The following PLXND1 variants were observed in gnomAD, a reference collection of about 807,000 sequenced individuals.
The protein encoded by PLXND1 is plexin-D1.
Under a neutral mutation model 197.7 loss-of-function variants are expected in PLXND1, and 54 were observed. The observed-to-expected ratio is 0.27, with a 90% CI of 0.22 to 0.34. The LOEUF (loss-of-function observed/expected upper bound fraction) is 0.34, where lower values mean the gene tolerates loss of function less well. PLXND1 is among the 10% of genes least tolerant of loss of function. The pLI is 1.00. For synonymous variants in PLXND1, 1,180 were observed against 1,161.2 expected (o/e 1.02, Z -0.33); for missense variants, 2,127 against 2,699.2 (o/e 0.79, Z 4.70).
chr3:129,582,209 G>A (rs536137775), intron 8 of PLXND1, among the ~76,000 whole-genome samples: 50 of 152,388 alleles, frequency 3.3e-4, no homozygotes, highest in Admixed American at 5.9e-4. Flanking sequence ...TGCGCACTGC[G>A]AGCGAGCAGG....
At chr3:129,598,962 G>C (rs928817522) in intron 1 of PLXND1, among the ~76,000 whole-genome samples, 1 of 152,224 alleles carries the variant, frequency 6.6e-6, no homozygotes, top group East Asian at 1.9e-4. Context: ...GGCTAACACA[G>C]AGAAAGTTCT....
rs2085250319 is a variant in PLXND1 at position 129,572,593 on chromosome 3, A to C, written c.3077+16T>G. The C allele has an allele frequency of 1.3e-6, 2 of 1,497,214 alleles. No individual in the cohort carries two copies. Among genetic ancestry groups the C allele is most frequent in the South Asian group, 1.4e-5 (1 of 72,036 alleles). 92.7% of individuals were successfully genotyped at this position (1,497,214 alleles called of 1,614,324 possible). A position where few individuals can be genotyped will look rare whatever the true frequency, so the allele number is the denominator to read the frequency against. On this transcript the variant is annotated intron_variant, in intron 15 of 35. Transcript: ENST00000324093. ...TTCTCTGGGCTGGAAGGGATGGGCC[A>C]GGCCCAGAGGCTTACATCAGCTCCG...
intron 8 of PLXND1, among the ~76,000 whole-genome samples, chr3:129,582,182 G>A (rs534326395): frequency 3.3e-5 from 5 of 152,392 alleles, no homozygotes; most frequent in Admixed American, 2.0e-4. Flanking sequence ...CAGTTATGGG[G>A]CTCAGGTGGG....
chr3:129,566,394 T>TGGCC, intron 23 of PLXND1, 133 bp downstream of exon 23: 1 of 683,152 alleles, frequency 1.5e-6, no homozygotes, highest in East Asian at 2.7e-5. Context: ...GAGGGCTCAG[T>TGGCC]ACCTTACAAT....
intron 1 of PLXND1, among the ~76,000 whole-genome samples, chr3:129,590,911 T>C (rs1449736583): frequency 3.9e-5 from 6 of 152,366 alleles, no homozygotes; most frequent in East Asian, 1.9e-4. Context: ...GAAGGCAGCA[T>C]TGGAACCATC....
chr3:129,584,360 T>A (rs2085428965), intron 6 of PLXND1, 25 bp downstream of exon 6: 1 of 1,608,528 alleles, frequency 6.2e-7, no homozygotes, highest in East Asian at 2.2e-5. Context: ...CCTCTGGGGC[T>A]GTGCCAACAG....
chr3:129,560,927 A>AG (rs2085049022), intron 29 of PLXND1: 2 of 674,814 alleles, frequency 3.0e-6, no homozygotes, highest in Non-Finnish European at 5.5e-6. Context: ...AGAGATGCAG[A>AG]GACGCATGGG....
In PLXND1 at chr3:129,574,313, G is replaced by T. The variant is rs201989077; in HGVS notation, c.2685+23C>A. 5.6e-5 allele frequency: 88 copies of T among 1,568,438 alleles called. 1 individual carries two copies. In the East Asian group the frequency reaches 2.0e-3, roughly 35 times the overall value. ...CGCCGTGCCGGAGTGCGGGTGCCAC[G>T]TGCCTCCACTGGGCATGCTTACCGC... On this transcript the variant is annotated intron_variant, in intron 12 of 35. Transcript: ENST00000324093.
Position 129,589,343 on chromosome 3 carries a change from A to T in PLXND1, c.1488+8T>A. 1.5e-6 allele frequency: 1 copy of T among 660,442 alleles called. No homozygotes were observed. Among genetic ancestry groups the T allele is most frequent in the Non-Finnish European group, 2.3e-6 (1 of 430,898 alleles). The allele number at this position is 660,442 out of a possible 1,614,324, so 40.9% of individuals were successfully genotyped here. A position where few individuals can be genotyped will look rare whatever the true frequency, so the allele number is the denominator to read the frequency against. On this transcript the variant is annotated splice_region_variant and intron_variant, in intron 2 of 35. Transcript: ENST00000324093. Reference sequence around the variant, plus strand: ...CCACCCCCTCCCCACATCCCCAACCATACCTACCTTGAGAAGCCTCCCGTT... The same window carrying T: ...CCACCCCCTCCCCACATCCCCAACCTTACCTACCTTGAGAAGCCTCCCGTT...
chr3:129,582,787 T>C (rs1295878438), intron 8 of PLXND1, among the ~76,000 whole-genome samples: 1 of 152,204 alleles, frequency 6.6e-6, no homozygotes, highest in Non-Finnish European at 1.5e-5. Context: ...AAAGCCTAGA[T>C]TGATCCATTT....
rs751642506 is a variant in PLXND1, at chr3:129,584,389, G to C, written c.2025C>G (p.Asn675Lys). 6.2e-7 allele frequency: 1 copy of C among 1,611,896 alleles called. No individual in the cohort carries two copies. Residue 675 changes from asparagine to lysine, a missense_variant, in exon 6 of 36, where the codon AAC (asparagine) becomes AAG (lysine). Asn to Lys is a moderately conservative substitution (Grantham distance 94, BLOSUM62 0). Coordinates refer to ENST00000324093, the MANE Select transcript of PLXND1 (RefSeq NM_015103.3). Reference sequence around the variant, plus strand: ...CCAACAGCACAGCGTGCTTACCCTGGTTGGGGGGGAAGGGCGGAAACTGGT... The same window carrying C: ...CCAACAGCACAGCGTGCTTACCCTGCTTGGGGGGGAAGGGCGGAAACTGGT... The part of the protein sequence containing the change: ...PRDQFPPFPP[N>K]QDHVTVEMSV...
intron 1 of PLXND1, among the ~76,000 whole-genome samples, chr3:129,592,004 C>T (rs1406049527): frequency 6.6e-6 from 1 of 152,220 alleles, no homozygotes; most frequent in Non-Finnish European, 1.5e-5. Flanking sequence ...GCTCCTTCAC[C>T]CCAGCCACAC....
At chr3:129,589,025 G>A (rs1007249362) in intron 2 of PLXND1, among the ~76,000 whole-genome samples, 2 of 152,148 alleles carry the variant, frequency 1.3e-5, no homozygotes, top group African/African-American at 4.8e-5. Flanking sequence ...TGTTGCCCAA[G>A]GTCAAAGGGC....
chr3:129,572,613 G>T lies in PLXND1; in HGVS notation c.3073C>A (p.Leu1025Met), dbSNP rs755309421. The T allele has an allele frequency of 1.6e-5, 25 of 1,534,746 alleles. No individual in the cohort carries two copies. Among genetic ancestry groups the T allele is most frequent in the East Asian group, 1.6e-4 (7 of 43,930 alleles). ...GGGCCAGGCCCAGAGGCTTACATCA[G>T]CTCCGTGCAGGGGTCTGTGTCGTTC... ...LVNDTDPCTELMRTDTSIACT... is the reference protein window; with the variant it reads ...LVNDTDPCTEMMRTDTSIACT... Residue 1025 changes from leucine to methionine, a missense_variant, in exon 15 of 36, where the codon CTG becomes ATG. Leu to Met is a conservative substitution (Grantham distance 15). Coordinates refer to ENST00000324093, the MANE Select transcript of PLXND1 (RefSeq NM_015103.3).
intron 26 of PLXND1, 28 bp downstream of exon 26, chr3:129,563,066 T>C (rs2085085300): frequency 6.2e-7 from 1 of 1,612,952 alleles, no homozygotes; most frequent in East Asian, 2.2e-5. Flanking sequence ...ACAGCAGCCC[T>C]GGGACCCTCC....
At chr3:129,556,807 T>TTCA in intron 34 of PLXND1, 116 bp from the exon 35 acceptor site, 1 of 796,928 alleles carries the variant, frequency 1.3e-6, no homozygotes, top group East Asian at 2.7e-5. Flanking sequence ...CACAGAACAG[T>TTCA]TCAGCGATGA....
rs918204587 is a variant in PLXND1, at chr3:129,561,907, G to C, written c.4826-4C>G. On this transcript the variant is annotated splice_polypyrimidine_tract_variant and splice_region_variant and intron_variant, in intron 27 of 35. Transcript: ENST00000324093. ...TGTGTGCTGGAGGCGAACCACTCTG[G>C]GGGACAAGGGACAGGCCATCAGGGT... 1.9e-6 allele frequency: 3 copies of C among 1,607,536 alleles called. No individual in the cohort carries two copies. The highest frequency in any genetic ancestry group is 3.3e-5 in the Admixed American group (2 of 60,000).
chr3:129,596,136 GC>G (rs1193554025), intron 1 of PLXND1, among the ~76,000 whole-genome samples: 2 of 152,112 alleles, frequency 1.3e-5, no homozygotes, highest in Non-Finnish European at 2.9e-5. Context: ...AGCCTTCAGT[GC>G]TAAGCACTGT....
In PLXND1 at chr3:129,556,705, G is replaced by A. The variant is rs1482311479; in HGVS notation, c.5587-14C>T. On this transcript the variant is annotated splice_polypyrimidine_tract_variant and intron_variant, in intron 34 of 35. Coordinates refer to ENST00000324093, the MANE Select transcript of PLXND1 (RefSeq NM_015103.3). ...ATTCTGGTATTTCTATAAGGAGGCA[G>A]GATGGGGAGGAGGTTAGCCCAGCGG... 6.3e-7 allele frequency: 1 copy of A among 1,592,516 alleles called. No individual in the cohort carries two copies. The highest frequency in any genetic ancestry group is 8.6e-7 in the Non-Finnish European group (1 of 1,162,170).
Sources: allele counts gnomAD v4.1 joint callset (sites outside exome capture counted in the v4.1 genomes callset), GRCh38; gene constraint gnomAD v4.1.1; transcripts MANE v1.5; gene names NCBI Gene and HGNC (gene_info 2026-07-23, HGNC 2026-07-21).